Variants in INTS11 observed in about 807,000 individuals in gnomAD.
INTS11 encodes the protein integrator complex subunit 11, also known as CPSF3-like protein.
In INTS11, 77 loss-of-function variants were observed where a neutral mutation model predicts 78.6. The ratio of observed to expected loss-of-function variants is 0.98; its 90% CI spans 0.81 to 1.18. The LOEUF is 1.18. Ranked by LOEUF, INTS11 falls within the 50% of genes most tolerant of loss-of-function variation. The probability of loss-of-function intolerance (pLI) is 0.00; values close to 1 mark genes in which losing one functional copy is unlikely to be tolerated. For missense variants in INTS11, 875 were observed against 825.9 expected (o/e 1.06, Z -0.73); for synonymous variants, 441 against 326.9 (o/e 1.35, Z -3.77).
chr1:1,323,701 G>A (rs1406741230), intron 1 of INTS11, among the ~76,000 whole-genome samples: 2 of 151,032 alleles, frequency 1.3e-5, no homozygotes, highest in Non-Finnish European at 2.9e-5. Context: ...GTGAGCCACA[G>A]TGCCCAGACT....
Position 1,320,439 on chromosome 1 carries a change from C to T in INTS11, c.200+17G>A. 1 of 1,612,482 alleles carries T rather than the reference C, an allele frequency of 6.2e-7. No homozygotes were observed. Among genetic ancestry groups the T allele is most frequent in the Non-Finnish European group, 8.5e-7 (1 of 1,178,746 alleles). Reference sequence around the variant, plus strand: ...GGCACAGACATGGGACCCTCAAGGCCCCCAACAGGAACCCACCTAATGATC... The same window carrying T: ...GGCACAGACATGGGACCCTCAAGGCTCCCAACAGGAACCCACCTAATGATC... On this transcript the variant is annotated intron_variant, in intron 3 of 16. Coordinates refer to ENST00000435064, the MANE Select transcript of INTS11 (RefSeq NM_017871.6).
chr1:1,311,779 C>A lies in INTS11; in HGVS notation c.*80G>T. ...ACCTGCAGGGTCTGTTCACCCAGGG[C>A]ACCCACAGTCCTGAAGTGCAGGCCC... On this transcript the variant is annotated 3_prime_UTR_variant, in exon 17 of 17. Transcript: ENST00000435064. 1 of 1,404,954 alleles carries A rather than the reference C, an allele frequency of 7.1e-7. No individual in the cohort carries two copies. The highest frequency in any genetic ancestry group is 1.3e-5 in the South Asian group (1 of 74,332). The allele number at this position is 1,404,954 out of a possible 1,614,324, so 87.0% of individuals were successfully genotyped here. A position where few individuals can be genotyped will look rare whatever the true frequency, so the allele number is the denominator to read the frequency against.
Position 1,315,520 on chromosome 1 carries a change from C to T in INTS11, c.528G>A (p.Thr176=), listed in dbSNP as rs1280096803. 9.3e-6 allele frequency: 15 copies of T among 1,612,686 alleles called. No individual in the cohort carries two copies. The highest frequency in any genetic ancestry group is 1.3e-5 in the African/African-American group (1 of 74,606). The change falls in exon 5 of 17, where the codon ACG becomes ACA. Residue 176 remains threonine (T), a splice_region_variant and synonymous_variant. Coordinates refer to ENST00000435064, the MANE Select transcript of INTS11 (RefSeq NM_017871.6). ...CCAAGCCTCAAGCCCTTCCACTGAC[C>T]GTGTAGACCACAGACTCTGAGCCCA... ...IKVGSESVVY[T]GDYNMTPDRH...
rs1412820053 is a variant in INTS11 at position 1,315,605 on chromosome 1, A to AGCTC, written c.439_442dup (p.Leu148ArgfsTer21). 1 of 1,608,058 alleles carries AGCTC rather than the reference A, an allele frequency of 6.2e-7. No homozygotes were observed. The highest frequency in any genetic ancestry group is 8.5e-7 in the Non-Finnish European group (1 of 1,178,030). ...GCCTGCATAGTAGGCCTTGATCTCC[A>AGCTC]GCTCATCATCTACCTGTGGAGGACA... On this transcript the variant is annotated frameshift_variant, in exon 5 of 17. Transcript: ENST00000435064. LOFTEE classifies it high-confidence loss of function.
chr1:1,313,398 G>C (rs750038739), intron 10 of INTS11, 111 bp downstream of exon 10: 1 of 1,247,608 alleles, frequency 8.0e-7, no homozygotes, highest in Non-Finnish European at 1.2e-6. Context: ...CAGCAGCCAC[G>C]TCCCTTGGCC....
chr1:1,312,801 ATCT>A lies in INTS11; in HGVS notation c.1277_1279del (p.Lys426del), dbSNP rs775951666. Reference sequence around the variant, plus strand: ...CGGCTGCCTACGGAGCTCCTGCTCGATCTTCTGCTTCAGGAACTCCATCTTCTT... The same window carrying A: ...CGGCTGCCTACGGAGCTCCTGCTCGATCTGCTTCAGGAACTCCATCTTCTT... On this transcript the variant is annotated inframe_deletion, in exon 12 of 17. Transcript: ENST00000435064. The A allele has an allele frequency of 2.5e-6, 4 of 1,609,316 alleles. No homozygotes were observed. Among genetic ancestry groups the A allele is most frequent in the Non-Finnish European group, 3.4e-6 (4 of 1,178,046 alleles).
At position 1,312,213 on chromosome 1, in the gene INTS11, G is replaced by GGGGGGGGGGGGGCCCCCCCCCCC; in HGVS notation, c.1607+12_1607+13insGGGGGGGGGGGCCCCCCCCCCCC. 1.1e-6 allele frequency: 1 copy of GGGGGGGGGGGGGCCCCCCCCCCC among 934,604 alleles called. No individual in the cohort carries two copies. Among genetic ancestry groups the GGGGGGGGGGGGGCCCCCCCCCCC allele is most frequent in the Non-Finnish European group, 1.6e-6 (1 of 636,654 alleles). The allele number at this position is 934,604 out of a possible 1,614,324, so 57.9% of individuals were successfully genotyped here. On this transcript the variant is annotated intron_variant, in intron 15 of 16. Coordinates refer to ENST00000435064, the MANE Select transcript of INTS11 (RefSeq NM_017871.6). ...CCCAAGGGAGTGGGGGGGGGGCGGG[G>GGGGGGGGGGGGGCCCCCCCCCCC]CCGGGCGCCCACCTCTTGAGGTGGC...
intron 4 of INTS11, chr1:1,318,713 A>G (rs939685506): frequency 1.9e-5 from 9 of 475,080 alleles, no homozygotes; most frequent in Non-Finnish European, 3.5e-5. Flanking sequence ...GACAAGTTCA[A>G]TCAGAAAATT....
At chr1:1,320,968 C>G in intron 2 of INTS11, 28 bp downstream of exon 2, 1 of 1,600,136 alleles carries the variant, frequency 6.2e-7, no homozygotes, top group Non-Finnish European at 8.6e-7. Context: ...CTCTCCCAGC[C>G]TCTGGGCCTC....
chr1:1,320,875 T>C, intron 2 of INTS11, 121 bp downstream of exon 2: 1 of 928,700 alleles, frequency 1.1e-6, no homozygotes, highest in Non-Finnish European at 1.8e-6. Flanking sequence ...CCCCACAGGG[T>C]GCAGCCATCC....
At chr1:1,320,029 G>A (rs894230531) in intron 3 of INTS11, 2 of 207,012 alleles carry the variant, frequency 9.7e-6, no homozygotes, top group Admixed American at 5.3e-5. Context: ...CTGCTGGGGA[G>A]GACAGGGCAG....
chr1:1,311,854 C>T lies in INTS11; in HGVS notation c.*5G>A, dbSNP rs780852533. Reference sequence around the variant, plus strand: ...CAGAGGTGGCGGCTGGGTGAGTTGCCGGCCTCAGCTGGGGGCCTGGGGGAG... The same window carrying T: ...CAGAGGTGGCGGCTGGGTGAGTTGCTGGCCTCAGCTGGGGGCCTGGGGGAG... On this transcript the variant is annotated 3_prime_UTR_variant, in exon 17 of 17. Transcript: ENST00000435064. 3.4e-5 allele frequency: 52 copies of T among 1,544,618 alleles called. No individual in the cohort carries two copies. The African/African-American group carries it at 4.8e-4, about 14-fold the overall frequency.
At position 1,311,659 on chromosome 1, in the gene INTS11, A is replaced by G. The variant is rs1303297885; in HGVS notation, c.*200T>C. On this transcript the variant is annotated 3_prime_UTR_variant, in exon 17 of 17. Transcript: ENST00000435064. ...AGGACCACCTGCCCTAACCAGGAAT[A>G]AAGGCAAGACAGCCTGGAGACCAGT... 1.4e-6 allele frequency: 1 copy of G among 717,210 alleles called. No individual in the cohort carries two copies. Among genetic ancestry groups the G allele is most frequent in the Non-Finnish European group, 2.5e-6 (1 of 402,866 alleles). 44.4% of individuals were successfully genotyped at this position (717,210 alleles called of 1,614,324 possible).
Position 1,314,064 on chromosome 1 carries a change from T to A in INTS11, c.768-143A>T. On this transcript the variant is annotated intron_variant, in intron 8 of 16. Coordinates refer to ENST00000435064, the MANE Select transcript of INTS11 (RefSeq NM_017871.6). This position sits in a 1 kb window ranked among gnomAD's most constrained non-coding sequence, Gnocchi z 4.2. ...GTCCAGTCGCGACCACTTGTCCCAT[T>A]AAGCCCTGCAGCAGCCGGGCTCAGC... is the stretch of plus-strand genomic sequence containing the variant. 1 of 872,042 alleles carries A rather than the reference T, an allele frequency of 1.1e-6. No homozygotes were observed. Among genetic ancestry groups the A allele is most frequent in the Non-Finnish European group, 1.8e-6 (1 of 559,556 alleles). 54.0% of individuals were successfully genotyped at this position (872,042 alleles called of 1,614,324 possible). A position where few individuals can be genotyped will look rare whatever the true frequency, so the allele number is the denominator to read the frequency against.
At position 1,320,493 on chromosome 1, in the gene INTS11, C is replaced by T. The variant is rs779574336; in HGVS notation, c.163G>A (p.Gly55Ser). ...FPDFSYITQN[G>S]RLTDFLDCVI... ...CAGTCCAGGAAGTCTGTTAGGCGGC[C>T]GTTCTGGGTGATGTAGGAGAAGTCA... The change falls in exon 3 of 17, where the codon GGC becomes AGC. Residue 55 changes from glycine (G) to serine (S), a missense_variant. Physicochemically the swap from Gly to Ser is moderately conservative, Grantham distance 56. Transcript: ENST00000435064. 11 of 1,613,826 alleles carry T rather than the reference C, an allele frequency of 6.8e-6. No individual in the cohort carries two copies. The highest frequency in any genetic ancestry group is 1.1e-5 in the South Asian group (1 of 91,078).
intron 1 of INTS11, chr1:1,323,373 AT>A: frequency 7.0e-7 from 1 of 1,426,994 alleles, no homozygotes; most frequent in Non-Finnish European, 9.5e-7. Context: ...ATTTTGACTA[AT>A]TTTTTCCTTC....
At position 1,311,834 on chromosome 1, in the gene INTS11, G is replaced by A. The variant is rs376007445; in HGVS notation, c.*25C>T. 3 of 1,537,358 alleles carry A rather than the reference G, an allele frequency of 2.0e-6. No homozygotes were observed. Among genetic ancestry groups the A allele is most frequent in the Non-Finnish European group, 2.6e-6 (3 of 1,142,012 alleles). On this transcript the variant is annotated 3_prime_UTR_variant, in exon 17 of 17. Transcript: ENST00000435064. The stretch of plus-strand genomic sequence containing the variant: ...TCTGTCCAGCTGGGAGAGGGCAGAG[G>A]TGGCGGCTGGGTGAGTTGCCGGCCT...
intron 3 of INTS11, chr1:1,320,213 G>A (rs372544190): frequency 1.5e-5 from 8 of 522,680 alleles, no homozygotes; most frequent in African/African-American, 9.6e-5. Context: ...CATCAGAGAG[G>A]GTGAAGCCTG....
chr1:1,320,164 A>G, intron 3 of INTS11: 1 of 393,470 alleles, frequency 2.5e-6, no homozygotes. Flanking sequence ...GGAATCGCCA[A>G]CAAGACAGTG....
Sources: allele counts gnomAD v4.1 joint callset (sites outside exome capture counted in the v4.1 genomes callset), GRCh38; gene constraint gnomAD v4.1.1; non-coding constraint Gnocchi (gnomAD v3.1); transcripts MANE v1.5; gene names NCBI Gene and HGNC (gene_info 2026-07-23, HGNC 2026-07-21).